The following EFCAB10 variants were observed in gnomAD, a reference collection of about 807,000 sequenced individuals.
EFCAB10 encodes the protein EF-hand calcium-binding domain-containing protein 10.
In EFCAB10, 7 loss-of-function variants were observed where a neutral mutation model predicts 7.7. The observed-to-expected ratio is 0.91, with a 90% CI of 0.52 to 1.72. The LOEUF (loss-of-function observed/expected upper bound fraction) is 1.72, where lower values mean the gene tolerates loss of function less well. Among genes scored for constraint, EFCAB10 ranks in the 40% most tolerant of loss-of-function variants. EFCAB10 has a pLI of 0.00. For synonymous variants in EFCAB10, 52 were observed against 21.0 expected (o/e 2.47, Z -4.03); for missense variants, 112 against 61.5 (o/e 1.82, Z -2.74).
chr7:105,565,630 C>G lies in EFCAB10; in HGVS notation c.*-183G>C, dbSNP rs1358955017. The G allele has an allele frequency of 1.2e-6, 2 of 1,605,386 alleles. No individual in the cohort carries two copies. The highest frequency in any genetic ancestry group is 1.7e-6 in the Non-Finnish European group (2 of 1,173,192). ...TTGTTTTCTCACTATTGCAAGAGAC[C>G]AGAAAATTATTTTAAACAGTAAGCT... is the stretch of plus-strand genomic sequence containing the variant. On this transcript the variant is annotated intron_variant, in intron 4 of 4. Transcript: ENST00000480514.
intron 1 of EFCAB10, among the ~76,000 whole-genome samples, chr7:105,580,284 A>G (rs1228839855): frequency 3.3e-5 from 5 of 151,942 alleles, no homozygotes; most frequent in Non-Finnish European, 5.9e-5. Context: ...CACCGCCCCC[A>G]AGGAGCTTCA....
At chr7:105,570,268 T>TATATATATATATATATATATATATATAC (rs1188257284) in intron 1 of EFCAB10, among the ~76,000 whole-genome samples, 5 of 66,460 alleles carry the variant, frequency 7.5e-5, no homozygotes, top group South Asian at 5.4e-4. Flanking sequence ...TATATATATA[T>TATATATATATATATATATATATATATAC]ACACACACAC....
At chr7:105,568,429 C>T (rs1399629604) in intron 3 of EFCAB10, among the ~76,000 whole-genome samples, 2 of 152,196 alleles carry the variant, frequency 1.3e-5, no homozygotes, top group Non-Finnish European at 1.5e-5. Flanking sequence ...CCTGTAATAT[C>T]TCAAAATCTA....
chr7:105,568,845 G>A (rs1791860067), intron 3 of EFCAB10, among the ~76,000 whole-genome samples: 1 of 151,938 alleles, frequency 6.6e-6, no homozygotes, highest in Non-Finnish European at 1.5e-5. Context: ...CAGCTACTGG[G>A]AAGCTGAGGC....
At chr7:105,576,679 C>T (rs949881915) in intron 1 of EFCAB10, among the ~76,000 whole-genome samples, 13 of 152,120 alleles carry the variant, frequency 8.5e-5, no homozygotes, top group African/African-American at 1.7e-4. Flanking sequence ...ATCCTGACCT[C>T]GTGATCCGCC....
intron 1 of EFCAB10, chr7:105,573,760 A>G (rs1157291609): frequency 6.6e-6 from 1 of 152,022 alleles, no homozygotes; most frequent in Admixed American, 6.6e-5. Context: ...CATTTCATTT[A>G]CTCCTCAGAA....
chr7:105,567,424 ATTAC>A (rs1479513522), intron 4 of EFCAB10, 39 bp downstream of exon 4: 1 of 770,478 alleles, frequency 1.3e-6, no homozygotes, highest in Non-Finnish European at 2.2e-6. Flanking sequence ...ACTTTATAGA[ATTAC>A]TTATTATCTT....
At chr7:105,570,106 C>T (rs1014496804) in intron 1 of EFCAB10, among the ~76,000 whole-genome samples, 11 of 143,696 alleles carry the variant, frequency 7.7e-5, no homozygotes, top group Admixed American at 2.9e-4. Flanking sequence ...CCCAGCTACT[C>T]GGGAGGCTGA....
At chr7:105,565,842 G>T (rs1192255875) in intron 4 of EFCAB10, among the ~76,000 whole-genome samples, 1 of 152,270 alleles carries the variant, frequency 6.6e-6, no homozygotes, top group Non-Finnish European at 1.5e-5. Context: ...ACCTCAAAAA[G>T]TTTCAGAACT....
At chr7:105,565,522 T>C in intron 4 of EFCAB10, 75 bp from the exon 5 acceptor site, 1 of 1,610,782 alleles carries the variant, frequency 6.2e-7, no homozygotes, top group Non-Finnish European at 8.5e-7. Flanking sequence ...AATTATTCTT[T>C]GTTTCAGATA....
intron 1 of EFCAB10, among the ~76,000 whole-genome samples, chr7:105,580,077 C>T (rs1792185867): frequency 6.6e-6 from 1 of 152,058 alleles, no homozygotes; most frequent in Admixed American, 6.6e-5. Flanking sequence ...CCTCCGCCTC[C>T]CAGGTTCACG....
At position 105,569,225 on chromosome 7, in the gene EFCAB10, A is replaced by C; in HGVS notation, c.337T>G (p.Leu113Val). The change falls in exon 3 of 5, where the codon TTG becomes GTG. Residue 113 changes from leucine to valine, a missense_variant. Transcript: ENST00000480514. Reference protein sequence around the residue: ...DLQDDGHKITLDKFKEEVNKR... With the variant: ...DLQDDGHKITVDKFKEEVNKR... ...TACACTTCCTCCTTGAATTTATCCA[A>C]AGTTATTTTATGTCCATCATCTTGT... is the stretch of plus-strand genomic sequence containing the variant. 1.4e-6 allele frequency: 1 copy of C among 701,494 alleles called. No individual in the cohort carries two copies. Among genetic ancestry groups the C allele is most frequent in the Non-Finnish European group, 2.6e-6 (1 of 384,940 alleles). 43.5% of individuals were successfully genotyped at this position (701,494 alleles called of 1,614,324 possible).
intron 1 of EFCAB10, among the ~76,000 whole-genome samples, chr7:105,576,346 G>A (rs1792077692): frequency 6.6e-6 from 1 of 151,988 alleles, no homozygotes; most frequent in South Asian, 2.1e-4. Flanking sequence ...CCCTTCTTTA[G>A]CTTCATTACC....
chr7:105,573,093 T>A (rs1791990548), intron 1 of EFCAB10: 1 of 151,990 alleles, frequency 6.6e-6, no homozygotes, highest in Non-Finnish European at 1.5e-5. Context: ...ATTCTCCCAT[T>A]GCATAGGTTG....
intron 1 of EFCAB10, among the ~76,000 whole-genome samples, chr7:105,578,520 A>G (rs1451278010): frequency 6.6e-6 from 1 of 152,216 alleles, no homozygotes; most frequent in East Asian, 1.9e-4. Flanking sequence ...TAAGACCATA[A>G]AGTACCTAGA....
intron 1 of EFCAB10, chr7:105,572,307 T>G (rs963503324): frequency 1.3e-5 from 2 of 152,138 alleles, no homozygotes; most frequent in Non-Finnish European, 2.9e-5. Flanking sequence ...TATTCTTCTG[T>G]GCGTGATTTA....
At chr7:105,569,094 G>T in intron 3 of EFCAB10, 109 bp downstream of exon 3, 1 of 652,080 alleles carries the variant, frequency 1.5e-6, no homozygotes, top group Non-Finnish European at 2.7e-6. Flanking sequence ...AAAGTTTCAA[G>T]GGAACAAAAT....
intron 1 of EFCAB10, among the ~76,000 whole-genome samples, chr7:105,577,088 T>TA (rs1389682590): frequency 1.3e-5 from 2 of 152,022 alleles, no homozygotes; most frequent in African/African-American, 4.8e-5. Context: ...GTCTCAGTTT[T>TA]AAAAAAACAG....
intron 1 of EFCAB10, among the ~76,000 whole-genome samples, chr7:105,579,668 C>T (rs570691292): frequency 2.0e-5 from 3 of 152,152 alleles, no homozygotes; most frequent in East Asian, 1.9e-4. Context: ...TTAAGAAAGG[C>T]GCATTTTCAT....
Sources: gnomAD v4.1 joint callset for allele counts (sites outside exome capture counted in the v4.1 genomes callset) on GRCh38, gnomAD v4.1.1 for gene constraint, MANE v1.5 for transcripts, NCBI Gene and HGNC (gene_info 2026-07-23, HGNC 2026-07-21) for gene names.